The following PAPPA2 variants were observed in gnomAD, a reference collection of about 807,000 sequenced individuals.
PAPPA2 encodes pappalysin-2.
In PAPPA2, 86 loss-of-function variants were observed where a neutral mutation model predicts 176.4. The observed-to-expected ratio is 0.49, with a 90% CI of 0.41 to 0.58. PAPPA2 has a LOEUF of 0.58. PAPPA2 is among the 20% of genes least tolerant of loss of function. The pLI, the probability that PAPPA2 is intolerant of heterozygous loss-of-function variation, is 0.00. For missense variants in PAPPA2, 2,073 were observed against 2,256.9 expected (o/e 0.92, Z 1.65); for synonymous variants, 809 against 852.2 (o/e 0.95, Z 0.88).
rs146136054 is a variant in PAPPA2, at chr1:176,620,202, C to T, written c.1991+24607C>T. Among the ~76,000 whole-genome samples, 933 of 152,240 alleles carry T rather than the reference C, an allele frequency of 6.1e-3. 11 individuals carry two copies. The highest frequency in any genetic ancestry group is 0.021 in the African/African-American group (876 of 41,540). On this transcript the variant is annotated intron_variant, in intron 3 of 22. Coordinates refer to ENST00000367662, the MANE Select transcript of PAPPA2 (RefSeq NM_020318.3). Reference sequence around the variant, plus strand: ...CTTTTATTAAAGCACTAATTTCATTCATGATCTAATCACCTTCCAAAGTCC... The same window carrying T: ...CTTTTATTAAAGCACTAATTTCATTTATGATCTAATCACCTTCCAAAGTCC...
At chr1:176,781,079 GTTGAAC>G (rs1378960779) in intron 17 of PAPPA2, among the ~76,000 whole-genome samples, 1 of 152,144 alleles carries the variant, frequency 6.6e-6, no homozygotes, top group African/African-American at 2.4e-5. Flanking sequence ...AGTAGGAGCT[GTTGAAC>G]TTGATGTGAG....
intron 1 of PAPPA2, among the ~76,000 whole-genome samples, chr1:176,480,178 A>T (rs1652325237): frequency 6.6e-6 from 1 of 152,056 alleles, no homozygotes; most frequent in Non-Finnish European, 1.5e-5. Flanking sequence ...ACCTCTCTCG[A>T]CCTGTAACTG....
At position 176,739,736 on chromosome 1, in the gene PAPPA2, T is replaced by A; in HGVS notation, c.3909T>A (p.Asp1303Glu). ...CGACAGTGACTCTCTACCTGACCGA[T>A]GTCCGTGGAAGCAACCACTCTCTTG... ...QQPTVTLYLT[D>E]VRGSNHSLGT... Residue 1303 changes from aspartate to glutamate, a missense_variant, in exon 13 of 23, where the codon GAT becomes GAA. Physicochemically the swap from Asp to Glu is conservative, Grantham distance 45 (BLOSUM62 2). Coordinates refer to ENST00000367662, the MANE Select transcript of PAPPA2 (RefSeq NM_020318.3). The A allele has an allele frequency of 6.2e-7, 1 of 1,613,732 alleles. No homozygotes were observed.
chr1:176,832,004 G>A (rs1448441307), intron 21 of PAPPA2, among the ~76,000 whole-genome samples: 1 of 152,160 alleles, frequency 6.6e-6, no homozygotes, highest in Non-Finnish European at 1.5e-5. Context: ...TCTCAGGGAT[G>A]GAGCATGCCT....
intron 3 of PAPPA2, among the ~76,000 whole-genome samples, chr1:176,654,420 T>C (rs1366442196): frequency 1.3e-5 from 2 of 149,910 alleles, no homozygotes; most frequent in African/African-American, 4.9e-5. Flanking sequence ...TATGAGTCTG[T>C]ATTTATATCA....
intron 1 of PAPPA2, among the ~76,000 whole-genome samples, chr1:176,524,725 T>TA: frequency 6.6e-6 from 1 of 152,300 alleles, no homozygotes; most frequent in African/African-American, 2.4e-5. Context: ...TTGCTCCTCA[T>TA]AAAATGTTAC....
chr1:176,505,217 A>C (rs1648189818), intron 1 of PAPPA2, among the ~76,000 whole-genome samples: 1 of 152,146 alleles, frequency 6.6e-6, no homozygotes, highest in Non-Finnish European at 1.5e-5. Context: ...CATTCTATTT[A>C]ATCAATTCTT....
At chr1:176,613,186 T>A (rs928300323) in intron 3 of PAPPA2, among the ~76,000 whole-genome samples, 1 of 152,208 alleles carries the variant, frequency 6.6e-6, no homozygotes, top group Non-Finnish European at 1.5e-5. Context: ...AGAAAACTTA[T>A]GTGTCTAACT....
At chr1:176,633,965 A>G (rs1656506318) in intron 3 of PAPPA2, among the ~76,000 whole-genome samples, 2 of 152,228 alleles carry the variant, frequency 1.3e-5, no homozygotes. Flanking sequence ...GAGGATGTGG[A>G]GAAATAGGAA....
At chr1:176,664,910 C>G (rs1467088262) in intron 3 of PAPPA2, among the ~76,000 whole-genome samples, 1 of 152,134 alleles carries the variant, frequency 6.6e-6, no homozygotes, top group East Asian at 1.9e-4. Context: ...GTGTGGCCTT[C>G]AGAAGGGAAA....
chr1:176,681,669 T>C (rs1197399837), intron 4 of PAPPA2, among the ~76,000 whole-genome samples: 2 of 152,304 alleles, frequency 1.3e-5, no homozygotes, highest in East Asian at 3.9e-4. Flanking sequence ...TTGCCCTTCC[T>C]GGTTGTGCCT....
chr1:176,522,820 CA>C (rs1217537450), intron 1 of PAPPA2, among the ~76,000 whole-genome samples: 6 of 150,184 alleles, frequency 4.0e-5, no homozygotes, highest in Non-Finnish European at 1.5e-5. Flanking sequence ...AGAGTTTCTG[CA>C]ACTTCCAACA....
chr1:176,651,577 A>G (rs1325595397), intron 3 of PAPPA2, among the ~76,000 whole-genome samples: 2 of 151,682 alleles, frequency 1.3e-5, no homozygotes, highest in Admixed American at 1.3e-4. Context: ...TTTGATTATT[A>G]TATGACTCGG....
At chr1:176,463,774 T>A (rs150520391) in intron 1 of PAPPA2, among the ~76,000 whole-genome samples, 4 of 152,318 alleles carry the variant, frequency 2.6e-5, no homozygotes, top group Non-Finnish European at 4.4e-5. Context: ...CATCCAGGCC[T>A]GTGCAGGGAG....
intron 3 of PAPPA2, among the ~76,000 whole-genome samples, chr1:176,616,991 CAACA>C (rs983017894): frequency 3.9e-5 from 6 of 152,188 alleles, no homozygotes; most frequent in African/African-American, 1.4e-4. Flanking sequence ...AATACTGAGG[CAACA>C]AACAGACAAG....
rs547206887 is a variant in PAPPA2, at chr1:176,516,150, C to T, written c.-916-39257C>T. 6.6e-5 allele frequency among the ~76,000 whole-genome samples: 10 copies of T among 152,134 alleles called. No homozygotes were observed. In the South Asian group the frequency reaches 2.1e-3, roughly 32 times the overall value. On this transcript the variant is annotated intron_variant, in intron 1 of 22. Coordinates refer to ENST00000367662, the MANE Select transcript of PAPPA2 (RefSeq NM_020318.3). ...TGTAGGGGAAGTAGAGCCCCCAAAC[C>T]ATTTCCTCCTTCTTTTAATTCAGAT...
At chr1:176,739,455 A>G (rs533244649) in intron 12 of PAPPA2, among the ~76,000 whole-genome samples, 171 bp from the exon 13 acceptor site, 7 of 152,282 alleles carry the variant, frequency 4.6e-5, no homozygotes, top group Admixed American at 4.6e-4. Flanking sequence ...GTTGTTTGAT[A>G]CAACCTTGAA....
At chr1:176,503,727 G>A (rs1558405660) in intron 1 of PAPPA2, among the ~76,000 whole-genome samples, 1 of 152,128 alleles carries the variant, frequency 6.6e-6, no homozygotes, top group South Asian at 2.1e-4. Context: ...TCTGTTCTTT[G>A]TAAGGATTAG....
chr1:176,548,373 C>T (rs1297067779), intron 1 of PAPPA2, among the ~76,000 whole-genome samples: 7 of 152,134 alleles, frequency 4.6e-5, no homozygotes, highest in Non-Finnish European at 7.4e-5. Context: ...CTAGCAGTGG[C>T]GGAAGTGGGA....
Sources: gnomAD v4.1 joint callset for allele counts (sites outside exome capture counted in the v4.1 genomes callset) on GRCh38, gnomAD v4.1.1 for gene constraint, MANE v1.5 for transcripts, NCBI Gene and HGNC (gene_info 2026-07-23, HGNC 2026-07-21) for gene names.